Variants in AGTRAP observed in about 807,000 individuals in gnomAD.
AGTRAP encodes type-1 angiotensin II receptor-associated protein.
In AGTRAP, 7 loss-of-function variants were observed where a neutral mutation model predicts 15.2. The observed-to-expected ratio is 0.46, with a 90% CI of 0.26 to 0.87. AGTRAP has a LOEUF of 0.87. Among genes scored for constraint, AGTRAP ranks in the 40% least tolerant of loss-of-function variants. AGTRAP has a pLI of 0.15. For missense variants in AGTRAP, 187 were observed against 213.4 expected, an observed-to-expected ratio of 0.88 and a Z score of 0.77; for synonymous variants, 74 against 89.6, an observed-to-expected ratio of 0.83 and a Z score of 0.98.
Position 11,745,841 on chromosome 1 carries a change from A to C in AGTRAP, c.62+4A>C, listed in dbSNP as rs1159228873. ...GTCACTGGCTGCTGACAACCTGGTAAGTGACTCTGTGGGTATCTTGTGTGT... is the reference window on the plus strand; with the variant it reads ...GTCACTGGCTGCTGACAACCTGGTACGTGACTCTGTGGGTATCTTGTGTGT... On this transcript the variant is annotated splice_donor_region_variant and intron_variant, in intron 2 of 4. Coordinates refer to ENST00000314340, the MANE Select transcript of AGTRAP (RefSeq NM_020350.5). The surrounding 1 kb of genome is among the most constrained non-coding windows in gnomAD (Gnocchi z 4.2). The C allele has an allele frequency of 1.9e-6, 3 of 1,613,522 alleles. No homozygotes were observed. The highest frequency in any genetic ancestry group is 2.5e-6 in the Non-Finnish European group (3 of 1,180,010).
At chr1:11,738,832 G>A (rs1641958678) in intron 1 of AGTRAP, among the ~76,000 whole-genome samples, 1 of 152,174 alleles carries the variant, frequency 6.6e-6, no homozygotes, top group Non-Finnish European at 1.5e-5. Flanking sequence ...GCCACCCTGG[G>A]GGATCTCACT....
chr1:11,747,371 C>G, intron 2 of AGTRAP, 69 bp from the exon 3 acceptor site: 1 of 1,430,324 alleles, frequency 7.0e-7, no homozygotes, highest in South Asian at 1.2e-5. Context: ...CCCTGAGACG[C>G]CGGAGCAGGA....
intron 4 of AGTRAP, 112 bp downstream of exon 4, chr1:11,748,722 G>A: frequency 1.6e-6 from 2 of 1,279,068 alleles, no homozygotes; most frequent in Non-Finnish European, 2.1e-6. Flanking sequence ...GGCTCAAGGT[G>A]CAGGGAGAGC....
chr1:11,745,326 C>G lies in AGTRAP; in HGVS notation c.28-477C>G, dbSNP rs17875989. Among the ~76,000 whole-genome samples the G allele has an allele frequency of 0.051, 7,755 of 152,246 alleles. 303 individuals are homozygous for G. The highest frequency in any genetic ancestry group is 0.076 in the Non-Finnish European group (5,196 of 68,000). On this transcript the variant is annotated intron_variant, in intron 1 of 4. Coordinates refer to ENST00000314340, the MANE Select transcript of AGTRAP (RefSeq NM_020350.5). The surrounding 1 kb of genome is among the most constrained non-coding windows in gnomAD (Gnocchi z 4.2). ...AGTGAGGACAACCAGAGGTTACTCT[C>G]GTGGCCATCTTGATTTGGGTGGGTT...
At position 11,750,204 on chromosome 1, in the gene AGTRAP, C is replaced by A. The variant is rs12132828; in HGVS notation, c.*12C>A. ...CCCGAGGGTACTGAAGCCAGCCACG[C>A]TGCGCCCGGCCCTGCCCCGGGCCTT... On this transcript the variant is annotated 3_prime_UTR_variant, in exon 5 of 5. Coordinates refer to ENST00000314340, the MANE Select transcript of AGTRAP (RefSeq NM_020350.5). 1 of 1,606,162 alleles carries A rather than the reference C, an allele frequency of 6.2e-7. No homozygotes were observed. Among genetic ancestry groups the A allele is most frequent in the South Asian group, 1.1e-5 (1 of 90,694 alleles).
intron 3 of AGTRAP, 51 bp from the exon 4 acceptor site, chr1:11,748,364 C>T (rs1364450109): frequency 1.9e-6 from 3 of 1,564,624 alleles, no homozygotes; most frequent in South Asian, 2.3e-5. Flanking sequence ...GGCGGGGGAG[C>T]CACGGAGCGT....
chr1:11,745,125 G>A lies in AGTRAP; in HGVS notation c.28-678G>A, dbSNP rs1332128891. 6.7e-6 allele frequency among the ~76,000 whole-genome samples: 1 copy of A among 150,174 alleles called. No homozygotes were observed. The highest frequency in any genetic ancestry group is 1.5e-5 in the Non-Finnish European group (1 of 67,582). ...CCACCTCGGCCTCCCAAAATGCTGG[G>A]ATTACAGGTGTGATCCACCGCGCCC... is the stretch of plus-strand genomic sequence containing the variant. On this transcript the variant is annotated intron_variant, in intron 1 of 4. Transcript: ENST00000314340. This position sits in a 1 kb window ranked among gnomAD's most constrained non-coding sequence, Gnocchi z 4.2.
intron 1 of AGTRAP, among the ~76,000 whole-genome samples, chr1:11,741,820 G>T (rs765132629): frequency 1.3e-5 from 2 of 152,268 alleles, no homozygotes; most frequent in Non-Finnish European, 2.9e-5. Context: ...GACGAAGGTA[G>T]GTGAGGTGAT....
At chr1:11,746,773 G>C in intron 2 of AGTRAP, 1 of 158,738 alleles carries the variant, frequency 6.3e-6, no homozygotes, top group Non-Finnish European at 1.4e-5. Context: ...ACAGAACCAT[G>C]CTAGGTACTA....
intron 1 of AGTRAP, among the ~76,000 whole-genome samples, chr1:11,740,450 C>T (rs977500342): frequency 6.6e-6 from 1 of 152,198 alleles, no homozygotes; most frequent in Non-Finnish European, 1.5e-5. Flanking sequence ...ATTTATCAAA[C>T]CAAAGTGACG....
intron 1 of AGTRAP, 133 bp downstream of exon 1, chr1:11,736,368 C>T: frequency 2.3e-6 from 3 of 1,278,510 alleles, no homozygotes; most frequent in Non-Finnish European, 3.2e-6. Flanking sequence ...GTACAGACCC[C>T]ACGCAAGAAG....
chr1:11,740,352 G>A (rs1641998925), intron 1 of AGTRAP, among the ~76,000 whole-genome samples: 2 of 152,190 alleles, frequency 1.3e-5, no homozygotes, highest in African/African-American at 4.8e-5. Context: ...TTACACAGAT[G>A]AAGAAACTGA....
chr1:11,744,795 T>G (rs1033746314), intron 1 of AGTRAP, among the ~76,000 whole-genome samples: 1 of 152,178 alleles, frequency 6.6e-6, no homozygotes, highest in Non-Finnish European at 1.5e-5. Context: ...GAATGGCTAC[T>G]CCATAGGCAG....
chr1:11,745,749 C>T lies in AGTRAP; in HGVS notation c.28-54C>T, dbSNP rs1642145372. On this transcript the variant is annotated intron_variant, in intron 1 of 4. Coordinates refer to ENST00000314340, the MANE Select transcript of AGTRAP (RefSeq NM_020350.5). This position sits in a 1 kb window ranked among gnomAD's most constrained non-coding sequence, Gnocchi z 4.2. ...GTTTTCTGCACCCGACGCTTTCCTG[C>T]CCCTGTGGTGGTCATGTTCACAGAC... 6.3e-7 allele frequency: 1 copy of T among 1,597,798 alleles called. No individual in the cohort carries two copies. Among genetic ancestry groups the T allele is most frequent in the Non-Finnish European group, 8.6e-7 (1 of 1,165,276 alleles).
Position 11,746,542 on chromosome 1 carries a change from C to A in AGTRAP, c.62+705C>A, listed in dbSNP as rs890368851. 2.7e-5 allele frequency: 7 copies of A among 261,292 alleles called. No individual in the cohort carries two copies. The South Asian group carries it at 3.4e-4, about 13-fold the overall frequency. The allele number at this position is 261,292 out of a possible 1,614,324, so 16.2% of individuals were successfully genotyped here. On this transcript the variant is annotated intron_variant, in intron 2 of 4. Coordinates refer to ENST00000314340, the MANE Select transcript of AGTRAP (RefSeq NM_020350.5). ...GTAATAAATGAGGTAGACTCAGTCC[C>A]TGTCCCCCTGAGTCTTCCTTGCAGC... is the stretch of plus-strand genomic sequence containing the variant.
intron 3 of AGTRAP, 40 bp from the exon 4 acceptor site, chr1:11,748,372 CGTG>C: frequency 6.3e-7 from 1 of 1,579,374 alleles, no homozygotes; most frequent in Non-Finnish European, 8.6e-7. Flanking sequence ...AGCCACGGAG[CGTG>C]GTGGGGGTGT....
rs760490715 is a variant in AGTRAP, at chr1:11,750,087, G to A, written c.375G>A (p.Gly125=). Residue 125 remains glycine (G), a synonymous_variant, in exon 5 of 5, where the codon GGG becomes GGA. Transcript: ENST00000314340. ...TCCCCTGTCACCTAGGTTTCCTTGG[G>A]TCTTCTCAGGACCGTAGTGCCTACC... ...GELLVHTGFL[G]SSQDRSAYQT... 1.2e-6 allele frequency: 2 copies of A among 1,613,846 alleles called. No homozygotes were observed. The highest frequency in any genetic ancestry group is 1.7e-5 in the Admixed American group (1 of 59,984).
intron 2 of AGTRAP, chr1:11,746,140 T>A: frequency 6.2e-7 from 1 of 1,613,752 alleles, no homozygotes; most frequent in East Asian, 2.2e-5. Context: ...CTGGAGACAT[T>A]TCTCTGCCAA....
intron 1 of AGTRAP, among the ~76,000 whole-genome samples, chr1:11,740,933 C>A (rs1169747218): frequency 1.3e-5 from 2 of 152,004 alleles, no homozygotes; most frequent in Non-Finnish European, 2.9e-5. Flanking sequence ...GCTGACTCTG[C>A]GGTGTGGCCC....
Sources: allele counts gnomAD v4.1 joint callset (sites outside exome capture counted in the v4.1 genomes callset), GRCh38; gene constraint gnomAD v4.1.1; non-coding constraint Gnocchi (gnomAD v3.1); transcripts MANE v1.5; gene names NCBI Gene and HGNC (gene_info 2026-07-23, HGNC 2026-07-21).